The following LRP1B variants were observed in gnomAD, a reference collection of about 807,000 sequenced individuals.
The protein encoded by LRP1B is low-density lipoprotein receptor-related protein 1B.
A neutral mutation model predicts 556.6 loss-of-function variants in LRP1B; 217 were observed. The observed-to-expected ratio is 0.39, with a 90% CI of 0.35 to 0.44. The LOEUF (loss-of-function observed/expected upper bound fraction) is 0.44. Among genes scored for constraint, LRP1B ranks in the 20% least tolerant of loss-of-function variants. The pLI is 1.00. For synonymous variants in LRP1B, 2,047 were observed against 1,865.8 expected (o/e 1.10, Z -2.50); for missense variants, 5,053 against 5,620.8 (o/e 0.90, Z 3.23).
At chr2:141,805,865 C>T (rs1696153093) in intron 2 of LRP1B, 1 of 152,066 alleles carries the variant, frequency 6.6e-6, no homozygotes, top group Non-Finnish European at 1.5e-5. Flanking sequence ...CCTTGTAGGA[C>T]AGGACAGAGA....
chr2:140,893,291 A>G (rs1450251827), intron 23 of LRP1B, among the ~76,000 whole-genome samples: 1 of 152,244 alleles, frequency 6.6e-6, no homozygotes, highest in Non-Finnish European at 1.5e-5. Context: ...CATATGTTTC[A>G]TAAGGGATAT....
intron 7 of LRP1B, among the ~76,000 whole-genome samples, chr2:141,148,277 C>G (rs796968416): frequency 6.6e-5 from 10 of 152,296 alleles, no homozygotes; most frequent in African/African-American, 2.4e-4. Context: ...ACATGCTGAT[C>G]TTTATGCCTG....
intron 13 of LRP1B, 56 bp from the exon 14 acceptor site, chr2:141,013,801 A>C (rs911627453): frequency 3.0e-6 from 3 of 988,598 alleles, no homozygotes; most frequent in Admixed American, 5.8e-5. Context: ...AAACATAACT[A>C]GATATTTAGA....
At chr2:141,894,443 G>A (rs761433813) in intron 1 of LRP1B, among the ~76,000 whole-genome samples, 4 of 151,686 alleles carry the variant, frequency 2.6e-5, no homozygotes, top group Non-Finnish European at 5.9e-5. Context: ...CACCTTGCAG[G>A]GCTTTTCAAA....
chr2:142,126,955 A>G (rs1707676585), intron 1 of LRP1B, among the ~76,000 whole-genome samples: 1 of 151,850 alleles, frequency 6.6e-6, no homozygotes, highest in Non-Finnish European at 1.5e-5. Context: ...CCTGGATCCA[A>G]TAGATTTGCA....
rs557223943 is a variant in LRP1B at position 141,397,798 on chromosome 2, T to G, written c.343+82598A>C. Among the ~76,000 whole-genome samples, 5 of 150,584 alleles carry G rather than the reference T, an allele frequency of 3.3e-5. No homozygotes were observed. In the Admixed American group the frequency reaches 3.3e-4, roughly 10 times the overall value. ...AAATTTATATGTATATATACATTTTTATATACAATTATATATACATATATA... is the reference window on the plus strand; with the variant it reads ...AAATTTATATGTATATATACATTTTGATATACAATTATATATACATATATA... On this transcript the variant is annotated intron_variant, in intron 3 of 90. Transcript: ENST00000389484.
chr2:140,512,077 T>C (rs1689688016), intron 51 of LRP1B, among the ~76,000 whole-genome samples: 1 of 152,196 alleles, frequency 6.6e-6, no homozygotes, highest in Admixed American at 6.5e-5. Context: ...ACTGCCATAT[T>C]ATCACTTTAA....
chr2:140,250,472 GC>G (rs1681363397), intron 86 of LRP1B, among the ~76,000 whole-genome samples: 1 of 150,956 alleles, frequency 6.6e-6, no homozygotes, highest in Non-Finnish European at 1.5e-5. Context: ...GCAGTTTCCT[GC>G]TGTCAATAGC....
chr2:141,212,357 C>A (rs955978140), intron 6 of LRP1B, among the ~76,000 whole-genome samples: 2 of 143,242 alleles, frequency 1.4e-5, no homozygotes, highest in Admixed American at 1.5e-4. Context: ...CGGCTCACTG[C>A]AAGCTCCGCC....
intron 7 of LRP1B, chr2:141,167,403 A>G (rs1373967647): frequency 6.6e-6 from 1 of 151,926 alleles, no homozygotes; most frequent in Non-Finnish European, 1.5e-5. Context: ...TATATTTTCC[A>G]ATAATCGTGT....
At chr2:141,184,820 A>C (rs1372194991) in intron 7 of LRP1B, among the ~76,000 whole-genome samples, 1 of 150,730 alleles carries the variant, frequency 6.6e-6, no homozygotes, top group Non-Finnish European at 1.5e-5. Context: ...TTCTCCTCCT[A>C]CACCTTACAT....
At position 141,037,212 on chromosome 2, in the gene LRP1B, A is replaced by G. The variant is rs115280320; in HGVS notation, c.1789+11774T>C. 2.8e-3 allele frequency among the ~76,000 whole-genome samples: 430 copies of G among 152,220 alleles called. 4 individuals are homozygous for G. Among genetic ancestry groups the G allele is most frequent in the Middle Eastern group, 6.8e-3 (2 of 294 alleles). ...AAGCACAAAGTAGCATCTGTCCACC[A>G]AGGGAGGGATCTGAAAGCTTTGGCT... On this transcript the variant is annotated intron_variant, in intron 11 of 90. Coordinates refer to ENST00000389484, the MANE Select transcript of LRP1B (RefSeq NM_018557.3).
rs772644811 is a variant in LRP1B at position 141,020,106 on chromosome 2, T to C, written c.1790-4A>G. 9 of 1,489,856 alleles carry C rather than the reference T, an allele frequency of 6.0e-6. No homozygotes were observed. The highest frequency in any genetic ancestry group is 1.4e-5 in the South Asian group (1 of 71,520). The allele number at this position is 1,489,856 out of a possible 1,614,324, so 92.3% of individuals were successfully genotyped here. ...ATGCCCTCTACATTATCCAGATCTA[T>C]AAAAAAAGCAAAAACAAGAAAGAAA... On this transcript the variant is annotated splice_polypyrimidine_tract_variant and splice_region_variant and intron_variant, in intron 11 of 90. Transcript: ENST00000389484.
chr2:140,251,374 T>C (rs371132754), intron 86 of LRP1B, among the ~76,000 whole-genome samples: 15 of 152,004 alleles, frequency 9.9e-5, no homozygotes, highest in African/African-American at 3.1e-4. Context: ...ATTAAAATCT[T>C]CAGATATTGT....
intron 35 of LRP1B, among the ~76,000 whole-genome samples, chr2:140,722,997 C>T (rs1345946345): frequency 6.6e-6 from 1 of 152,056 alleles, no homozygotes; most frequent in African/African-American, 2.4e-5. Flanking sequence ...GAGCCGAGAT[C>T]GCGCCACTGC....
intron 31 of LRP1B, among the ~76,000 whole-genome samples, chr2:140,832,562 ATAAAAAAGAATGAAATTC>A (rs1691753147): frequency 6.6e-6 from 1 of 152,220 alleles, no homozygotes; most frequent in Non-Finnish European, 1.5e-5. Flanking sequence ...TTATTCAGCC[ATAAAAAAGAATGAAATTC>A]TGTCATTGGC....
At chr2:140,301,038 T>G (rs1191266203) in intron 83 of LRP1B, among the ~76,000 whole-genome samples, 1 of 152,146 alleles carries the variant, frequency 6.6e-6, no homozygotes, top group African/African-American at 2.4e-5. Context: ...TATTATTTAT[T>G]TAAGATAAAA....
chr2:140,726,763 T>G (rs1687608372), intron 35 of LRP1B, among the ~76,000 whole-genome samples: 2 of 152,214 alleles, frequency 1.3e-5, no homozygotes, highest in African/African-American at 4.8e-5. Flanking sequence ...ACTTTTAACT[T>G]TTAGCAAAAT....
Position 141,965,423 on chromosome 2 carries a change from A to T in LRP1B, c.83-155022T>A, listed in dbSNP as rs1319555564. On this transcript the variant is annotated intron_variant, in intron 1 of 90. Transcript: ENST00000389484. ...ATGGAATACTATGCAGCCTTAAAAA[A>T]TGATGAGTTCATGTCCTTTGTAGGG... Among the ~76,000 whole-genome samples the T allele has an allele frequency of 3.7e-3, 239 of 63,886 alleles. 2 individuals are homozygous for T. Among genetic ancestry groups the T allele is most frequent in the African/African-American group, 0.014 (215 of 15,898 alleles). The allele number at this position is 63,886 out of a possible 152,430, so 41.9% of individuals were successfully genotyped here.
Sources: gnomAD v4.1 joint callset for allele counts (sites outside exome capture counted in the v4.1 genomes callset) on GRCh38, gnomAD v4.1.1 for gene constraint, MANE v1.5 for transcripts, NCBI Gene and HGNC (gene_info 2026-07-23, HGNC 2026-07-21) for gene names.